The following SHPK variants were observed in gnomAD, a reference collection of about 807,000 sequenced individuals.
The protein encoded by SHPK is sedoheptulokinase.
A neutral mutation model predicts 46.3 loss-of-function variants in SHPK; 51 were observed. The observed-to-expected ratio is 1.10, with a 90% confidence interval of 0.88 to 1.39. SHPK has a LOEUF of 1.39. Ranked by LOEUF, SHPK falls within the 40% of genes most tolerant of loss-of-function variation. The pLI is 0.00. For missense variants in SHPK, 668 were observed against 641.3 expected, an observed-to-expected ratio of 1.04 and a Z score of -0.45; for synonymous variants, 290 against 273.9, an observed-to-expected ratio of 1.06 and a Z score of -0.58.
intron 6 of SHPK, among the ~76,000 whole-genome samples, chr17:3,614,740 C>T (rs139580856): frequency 0.035 from 5,069 of 144,264 alleles, 97 homozygotes; most frequent in Middle Eastern, 0.1. Flanking sequence ...CCCAGCTACT[C>T]GGAAGGCTGA....
chr17:3,620,447 T>C (rs1195583160), intron 5 of SHPK, among the ~76,000 whole-genome samples: 1 of 151,602 alleles, frequency 6.6e-6, no homozygotes, highest in East Asian at 1.9e-4. Context: ...TTTTTTTTTT[T>C]AATACAGATG....
chr17:3,634,297 C>T (rs59941081), intron 1 of SHPK, among the ~76,000 whole-genome samples: 15,015 of 150,930 alleles, frequency 0.099, 2,497 homozygotes, highest in African/African-American at 0.34. Context: ...ATGCTGGGTG[C>T]GGTGGCTCAC....
At chr17:3,611,907 G>A (rs931146544) in intron 6 of SHPK, among the ~76,000 whole-genome samples, 4 of 145,370 alleles carry the variant, frequency 2.8e-5, no homozygotes, top group Non-Finnish European at 6.0e-5. Flanking sequence ...GGGTTCCAGC[G>A]ATTCTCCTGC....
intron 6 of SHPK, among the ~76,000 whole-genome samples, chr17:3,611,395 C>G (rs410636): frequency 0.55 from 83,672 of 152,034 alleles, 25,941 homozygotes; most frequent in East Asian, 0.67. Flanking sequence ...GTGGTGAAAC[C>G]CTGTCTCTAC....
chr17:3,624,018 G>GCACC (rs1567684725), intron 3 of SHPK, 30 bp downstream of exon 3: 3 of 1,577,074 alleles, frequency 1.9e-6, no homozygotes, highest in Non-Finnish European at 2.6e-6. Context: ...CGGAAACCCA[G>GCACC]CACCCGAGTG....
chr17:3,625,883 T>A (rs978113946), intron 2 of SHPK, among the ~76,000 whole-genome samples: 1 of 151,992 alleles, frequency 6.6e-6, no homozygotes, highest in African/African-American at 2.4e-5. Context: ...CGAAACCCCA[T>A]CTCTACAAAA....
At position 3,610,659 on chromosome 17, in the gene SHPK, C is replaced by A. The variant is rs759987504; in HGVS notation, c.1338G>T (p.Arg446Ser). Reference sequence around the variant, plus strand: ...CAAAGGACATGGGCAAAGGGAAAGCCCTCTGCACCTCCTGCTTCAGCACGT... The same window carrying A: ...CAAAGGACATGGGCAAAGGGAAAGCACTCTGCACCTCCTGCTTCAGCACGT... ...RNDVLKQEVQ[R>S]AFPLPMSFGQ... The change falls in exon 7 of 7, where the codon AGG becomes AGT. Residue 446 changes from arginine (R) to serine (S), a missense_variant. Arg to Ser is a moderately radical substitution (Grantham distance 110, BLOSUM62 -1). Coordinates refer to ENST00000225519, the MANE Select transcript of SHPK (RefSeq NM_013276.4). 14 of 1,613,936 alleles carry A rather than the reference C, an allele frequency of 8.7e-6. No individual in the cohort carries two copies. The highest frequency in any genetic ancestry group is 8.3e-5 in the Admixed American group (5 of 60,000).
Position 3,624,119 on chromosome 17 carries a change from G to T in SHPK, c.423C>A (p.Pro141=). 6.2e-7 allele frequency: 1 copy of T among 1,614,134 alleles called. No individual in the cohort carries two copies. The highest frequency in any genetic ancestry group is 8.5e-7 in the Non-Finnish European group (1 of 1,179,986). ...RCSSEFLASL[P]QPKSHLSVAT... Reference sequence around the variant, plus strand: ...CCACACTGAGATGAGACTTCGGCTGGGGCAGAGAGGCCAGGAATTCGCTGC... The same window carrying T: ...CCACACTGAGATGAGACTTCGGCTGTGGCAGAGAGGCCAGGAATTCGCTGC... The change falls in exon 3 of 7, where the codon CCC becomes CCA. Residue 141 remains proline (P), a synonymous_variant. Transcript: ENST00000225519.
rs376146513 is a variant in SHPK, at chr17:3,636,189, C to G, written c.31G>C (p.Asp11His). 56 of 1,609,724 alleles carry G rather than the reference C, an allele frequency of 3.5e-5. No homozygotes were observed. Among genetic ancestry groups the G allele is most frequent in the Non-Finnish European group, 4.7e-5 (55 of 1,177,440 alleles). The change falls in exon 1 of 7, where the codon GAC becomes CAC. Residue 11 changes from aspartate (D) to histidine (H), a missense_variant. Asp to His is a moderately conservative substitution (Grantham distance 81). Transcript: ENST00000225519. ...GCCTTCACAGATGTGGTGCCCAGGT[C>G]AATGCCGAGGGTGATCGGCCGCGCA... is the stretch of plus-strand genomic sequence containing the variant. Reference protein sequence around the residue: MAARPITLGIDLGTTSVKAAL... With the variant: MAARPITLGIHLGTTSVKAAL...
At chr17:3,627,265 G>A (rs1268808683) in intron 2 of SHPK, among the ~76,000 whole-genome samples, 4 of 152,044 alleles carry the variant, frequency 2.6e-5, no homozygotes, top group Non-Finnish European at 5.9e-5. Flanking sequence ...TTGCTCTTCT[G>A]CGTTTACTGA....
At chr17:3,623,528 C>T (rs772780716) in intron 3 of SHPK, 37 bp from the exon 4 acceptor site, 42 of 1,609,750 alleles carry the variant, frequency 2.6e-5, no homozygotes, top group African/African-American at 1.1e-4. Context: ...CACGGTATAA[C>T]ATGAACTCGG....
Position 3,632,275 on chromosome 17 carries a change from G to A in SHPK, c.169-1929C>T, listed in dbSNP as rs561252072. 2.0e-5 allele frequency among the ~76,000 whole-genome samples: 3 copies of A among 152,254 alleles called. No individual in the cohort carries two copies. The East Asian group carries it at 5.8e-4, about 29-fold the overall frequency. On this transcript the variant is annotated intron_variant, in intron 1 of 6. Transcript: ENST00000225519. The stretch of plus-strand genomic sequence containing the variant: ...TGGCCTGCAGGTCATATTTCTACTG[G>A]ACAGAGCTAGTTTAAAGAGTCCTCC...
intron 2 of SHPK, among the ~76,000 whole-genome samples, chr17:3,625,574 A>AT (rs1270461320): frequency 1.3e-5 from 2 of 151,872 alleles, no homozygotes; most frequent in Non-Finnish European, 2.9e-5. Flanking sequence ...AGCCACCGTG[A>AT]CCCCCTGGAC....
At position 3,609,569 on chromosome 17, in the gene SHPK, A is replaced by G. The variant is rs1426623986; in HGVS notation, c.*991T>C. 6.6e-6 allele frequency: 1 copy of G among 152,272 alleles called. No individual in the cohort carries two copies. Among genetic ancestry groups the G allele is most frequent in the Non-Finnish European group, 1.5e-5 (1 of 68,088 alleles). The allele number at this position is 152,272 out of a possible 1,614,324, so 9.4% of individuals were successfully genotyped here. Reference sequence around the variant, plus strand: ...TGGATGTTTCTGCTGAGCCAGGAGCACACACTGGGCCAGCAAAGCCCACGC... The same window carrying G: ...TGGATGTTTCTGCTGAGCCAGGAGCGCACACTGGGCCAGCAAAGCCCACGC... On this transcript the variant is annotated 3_prime_UTR_variant, in exon 7 of 7. Transcript: ENST00000225519.
intron 1 of SHPK, among the ~76,000 whole-genome samples, chr17:3,632,971 C>CTTTTTTT (rs34873037): frequency 2.4e-5 from 2 of 81,726 alleles, no homozygotes; most frequent in African/African-American, 9.0e-5. Context: ...GCAGATATTA[C>CTTTTTTT]TTTTTTTTTT....
chr17:3,624,162 C>T lies in SHPK; in HGVS notation c.380G>A (p.Trp127Ter), dbSNP rs759264766. The change falls in exon 3 of 7, where the codon TGG becomes TAG. Residue 127 changes from tryptophan to a stop codon, truncating the protein, a stop_gained. Transcript: ENST00000225519. LOFTEE classifies it high-confidence loss of function. Reference protein sequence around the residue: ...EPRAVSHLVTWQDGRCSSEFL... With the variant: ...EPRAVSHLVT ...TTCGCTGCTACATCGGCCATCCTGC[C>T]ACGTGACCAGGTGGCTAACAGCTCG... is the stretch of plus-strand genomic sequence containing the variant. The T allele has an allele frequency of 6.2e-7, 1 of 1,614,206 alleles. No individual in the cohort carries two copies. Among genetic ancestry groups the T allele is most frequent in the Non-Finnish European group, 8.5e-7 (1 of 1,180,018 alleles).
At chr17:3,620,083 T>C (rs535210862) in intron 5 of SHPK, among the ~76,000 whole-genome samples, 20 of 152,196 alleles carry the variant, frequency 1.3e-4, no homozygotes, top group Non-Finnish European at 1.3e-4. Context: ...TATGGCTGCT[T>C]TTGAATTCCT....
intron 6 of SHPK, among the ~76,000 whole-genome samples, chr17:3,613,483 C>T (rs1369038122): frequency 6.6e-6 from 1 of 152,142 alleles, no homozygotes; most frequent in African/African-American, 2.4e-5. Context: ...ACTCTCCTGC[C>T]TCAGCCTCCC....
rs957970705 is a variant in SHPK at position 3,636,147 on chromosome 17, C to A, written c.73G>T (p.Ala25Ser). The change falls in exon 1 of 7, where the codon GCG becomes TCG. Residue 25 changes from alanine to serine, a missense_variant. Coordinates refer to ENST00000225519, the MANE Select transcript of SHPK (RefSeq NM_013276.4). ...TSVKAALLRA[A>S]PDDPSGFAVL... ...GCGAACCCGGATGGGTCGTCGGGCG[C>A]GGCCCTCAGCAGAGCTGCCTTCACA... 6.2e-7 allele frequency: 1 copy of A among 1,611,956 alleles called. No individual in the cohort carries two copies. Among genetic ancestry groups the A allele is most frequent in the Admixed American group, 1.7e-5 (1 of 59,904 alleles).
Sources: gnomAD v4.1 joint callset for allele counts (sites outside exome capture counted in the v4.1 genomes callset) on GRCh38, gnomAD v4.1.1 for gene constraint, MANE v1.5 for transcripts, NCBI Gene and HGNC (gene_info 2026-07-23, HGNC 2026-07-21) for gene names.